The following ADGRE3 variants were observed in gnomAD, a reference collection of about 807,000 sequenced individuals.
ADGRE3 encodes EGF-like module receptor 3.
ADGRE3 carries 88 observed loss-of-function variants against 80.1 expected under a neutral mutation model. The ratio of observed to expected loss-of-function variants is 1.10; its 90% confidence interval spans 0.93 to 1.31. The LOEUF (loss-of-function observed/expected upper bound fraction) is 1.31, where lower values mean the gene tolerates loss of function less well. Ranked by LOEUF, ADGRE3 falls within the 40% of genes most tolerant of loss-of-function variation. The pLI is 0.00. For synonymous variants in ADGRE3, 281 were observed against 294.8 expected, an observed-to-expected ratio of 0.95 and a Z score of 0.48; for missense variants, 715 against 776.5, an observed-to-expected ratio of 0.92 and a Z score of 0.94.
the ADGRE3 span, among the ~76,000 whole-genome samples, chr19:14,613,761 C>T: frequency 6.6e-6 from 1 of 151,916 alleles, no homozygotes; most frequent in Non-Finnish European, 1.5e-5. Flanking sequence ...TCTCGGCTCA[C>T]TGCAACCTCC....
downstream of ADGRE3, among the ~76,000 whole-genome samples, chr19:14,616,887 C>T (rs528897813): frequency 3.3e-5 from 5 of 151,382 alleles, no homozygotes; most frequent in South Asian, 2.1e-4. Flanking sequence ...CTCCATCTCC[C>T]GGGTTCAAGT....
intron 15 of ADGRE3, among the ~76,000 whole-genome samples, chr19:14,621,344 A>G (rs891452730): frequency 1.3e-5 from 2 of 151,696 alleles, no homozygotes; most frequent in Admixed American, 6.6e-5. Flanking sequence ...AATCCCAGCT[A>G]CTGGGGAGGC....
chr19:14,673,376 A>G (rs1336589904), intron 1 of ADGRE3, among the ~76,000 whole-genome samples: 2 of 152,242 alleles, frequency 1.3e-5, no homozygotes, highest in East Asian at 1.9e-4. Flanking sequence ...TGATATTGGG[A>G]CTATCAATAT....
At chr19:14,663,317 A>G (rs867637573) in intron 3 of ADGRE3, 101 bp downstream of exon 3, 5 of 687,616 alleles carry the variant, frequency 7.3e-6, no homozygotes, top group Non-Finnish European at 7.7e-6. Flanking sequence ...GTGAGCTTTG[A>G]TCATGCCACA....
chr19:14,674,620 C>A, intron 1 of ADGRE3, 126 bp downstream of exon 1: 2 of 937,168 alleles, frequency 2.1e-6, no homozygotes, highest in Non-Finnish European at 3.2e-6. Flanking sequence ...AAACCACACT[C>A]CAAAGGGAAA....
At chr19:14,636,131 T>TTTCC in intron 11 of ADGRE3, among the ~76,000 whole-genome samples, 1 of 87,206 alleles carries the variant, frequency 1.1e-5, no homozygotes, top group Non-Finnish European at 2.4e-5. Context: ...TCTTTCTTTC[T>TTTCC]TTCTTTCTTT....
At chr19:14,620,862 C>T (rs2146792172) in intron 15 of ADGRE3, among the ~76,000 whole-genome samples, 1 of 151,584 alleles carries the variant, frequency 6.6e-6, no homozygotes, top group Admixed American at 6.6e-5. Flanking sequence ...ATTCAATTTC[C>T]ACAATGTTAA....
At chr19:14,605,388 G>A in the ADGRE3 span, among the ~76,000 whole-genome samples, 1 of 152,202 alleles carries the variant, frequency 6.6e-6, no homozygotes, top group Non-Finnish European at 1.5e-5. Flanking sequence ...GAGCCACCGC[G>A]CCCGGCCACC....
At position 14,662,000 on chromosome 19, in the gene ADGRE3, A is replaced by G; in HGVS notation, c.318T>C (p.Asn106=). 6.2e-7 allele frequency: 1 copy of G among 1,614,218 alleles called. No homozygotes were observed. The highest frequency in any genetic ancestry group is 8.5e-7 in the Non-Finnish European group (1 of 1,180,004). ...TCTCATTGGAATTACTGAATTGTTC[A>G]TTCCCAGAATGCAGTCTATATCCTG... The part of the protein sequence containing the change: ...CVPGYRLHSG[N]EQFSNSNENT... Residue 106 remains asparagine (N), a synonymous_variant, in exon 4 of 16, where the codon AAT becomes AAC. Transcript: ENST00000253673.
intron 8 of ADGRE3, among the ~76,000 whole-genome samples, chr19:14,646,488 G>C (rs1971402995): frequency 6.7e-6 from 1 of 149,886 alleles, no homozygotes; most frequent in Non-Finnish European, 1.5e-5. Flanking sequence ...ATGGGATACA[G>C]TGTGATTTAT....
chr19:14,645,704 G>A (rs1457023618), intron 8 of ADGRE3, among the ~76,000 whole-genome samples: 6 of 151,868 alleles, frequency 4.0e-5, no homozygotes, highest in African/African-American at 4.8e-5. Flanking sequence ...GGATGAAGTC[G>A]TTCATACCTA....
In ADGRE3 at chr19:14,644,219, G is replaced by A. The variant is rs746299422; in HGVS notation, c.939C>T (p.Gly313=). ...FCVYWKSTGQ[G]SQWSRDGCFL... ...AGCAGCCATCCCTGGACCACTGGCT[G>A]CCCTGCCCTGTGCTCTTCCAGTAGA... Residue 313 remains glycine (G), a synonymous_variant, in exon 9 of 16, where the codon GGC becomes GGT. Transcript: ENST00000253673. The A allele has an allele frequency of 3.7e-6, 6 of 1,605,472 alleles. No homozygotes were observed. In the African/African-American group the frequency reaches 8.1e-5, roughly 22 times the overall value.
At chr19:14,636,476 G>A (rs1971093607) in intron 11 of ADGRE3, among the ~76,000 whole-genome samples, 2 of 151,550 alleles carry the variant, frequency 1.3e-5, no homozygotes, top group Admixed American at 1.3e-4. Flanking sequence ...CAAAGCGCTG[G>A]GATTACAGGC....
intron 3 of ADGRE3, among the ~76,000 whole-genome samples, chr19:14,662,971 G>C (rs1343273929): frequency 6.6e-6 from 1 of 150,874 alleles, no homozygotes; most frequent in Admixed American, 6.6e-5. Context: ...AGCCACTTGA[G>C]AGGCTTGATC....
At chr19:14,650,615 T>C (rs369765125) in intron 7 of ADGRE3, among the ~76,000 whole-genome samples, 108 of 139,456 alleles carry the variant, frequency 7.7e-4, no homozygotes, top group African/African-American at 2.7e-3. Flanking sequence ...TCTCATCTCT[T>C]GCTCTCTGTC....
At chr19:14,641,043 C>A (rs1161410550) in intron 10 of ADGRE3, among the ~76,000 whole-genome samples, 1 of 152,188 alleles carries the variant, frequency 6.6e-6, no homozygotes, top group Non-Finnish European at 1.5e-5. Context: ...ATCTATCACT[C>A]ATTTCCCAGA....
At chr19:14,613,092 A>G in the ADGRE3 span, among the ~76,000 whole-genome samples, 2 of 151,092 alleles carry the variant, frequency 1.3e-5, no homozygotes, top group South Asian at 2.1e-4. Context: ...TGCCTGGCTA[A>G]TTTTTGTATT....
Position 14,641,540 on chromosome 19 carries a change from A to G in ADGRE3, c.1127T>C (p.Leu376Pro). ...GATGGCTTTACACAGGAGAAAAGTG[A>G]GGGCCGCCAGGAGGAGGCACAGCAG... ...VSLLCLLLAA[L>P]TFLLCKAIRN... Residue 376 changes from leucine (L) to proline (P), a missense_variant, in exon 10 of 16, where the codon CTC becomes CCC. By Grantham distance (98) the Leu-to-Pro change is moderately conservative (BLOSUM62 -3). Transcript: ENST00000253673. The G allele has an allele frequency of 1.9e-6, 3 of 1,613,894 alleles. No individual in the cohort carries two copies. The highest frequency in any genetic ancestry group is 2.5e-6 in the Non-Finnish European group (3 of 1,179,816).
chr19:14,628,732 C>T, intron 14 of ADGRE3: 1 of 371,254 alleles, frequency 2.7e-6, no homozygotes, highest in Non-Finnish European at 5.3e-6. Flanking sequence ...ATGAGTTTGC[C>T]CCTGCAGACA....
Sources: gnomAD v4.1 joint callset for allele counts (sites outside exome capture counted in the v4.1 genomes callset) on GRCh38, gnomAD v4.1.1 for gene constraint, MANE v1.5 for transcripts, NCBI Gene and HGNC (gene_info 2026-07-23, HGNC 2026-07-21) for gene names.